ARHGEF7: variants seen among roughly 807,000 people sequenced by gnomAD.
ARHGEF7 encodes the protein Rho guanine nucleotide exchange factor 7.
Under a neutral mutation model 109.8 loss-of-function variants are expected in ARHGEF7, and 33 were observed. The ratio of observed to expected loss-of-function variants is 0.30; its 90% CI spans 0.23 to 0.40. The LOEUF (loss-of-function observed/expected upper bound fraction) is 0.40. ARHGEF7 is among the 10% of genes least tolerant of loss of function. ARHGEF7 has a pLI of 1.00. For missense variants in ARHGEF7, 938 were observed against 1,098.5 expected (o/e 0.85, Z 2.07); for synonymous variants, 458 against 424.6 (o/e 1.08, Z -0.97).
intron 1 of ARHGEF7, among the ~76,000 whole-genome samples, chr13:111,118,942 T>A (rs965609314): frequency 6.6e-6 from 1 of 152,056 alleles, no homozygotes; most frequent in African/African-American, 2.4e-5. Flanking sequence ...GGAATGTAAT[T>A]GAAAATCAGA....
chr13:111,279,005 T>C (rs1430435252), intron 13 of ARHGEF7, among the ~76,000 whole-genome samples: 2 of 152,334 alleles, frequency 1.3e-5, no homozygotes, highest in Non-Finnish European at 1.5e-5. Flanking sequence ...TTGGTATCCG[T>C]TTCTACCATT....
intron 1 of ARHGEF7, among the ~76,000 whole-genome samples, chr13:111,120,978 T>A (rs1214394317): frequency 6.6e-6 from 1 of 152,188 alleles, no homozygotes; most frequent in Non-Finnish European, 1.5e-5. Flanking sequence ...TCGCAACCAC[T>A]GCCTTCAGAA....
chr13:111,120,759 C>T (rs1036068431), intron 1 of ARHGEF7, among the ~76,000 whole-genome samples: 2 of 152,180 alleles, frequency 1.3e-5, no homozygotes, highest in African/African-American at 4.8e-5. Context: ...AGATGTCTGC[C>T]CAGCATGGCA....
At chr13:111,287,398 G>A (rs2093065710) in intron 17 of ARHGEF7, among the ~76,000 whole-genome samples, 1 of 152,244 alleles carries the variant, frequency 6.6e-6, no homozygotes, top group African/African-American at 2.4e-5. Flanking sequence ...TGGGCCGGGG[G>A]CCGGCTGCAG....
chr13:111,300,868 C>T, intron 20 of ARHGEF7, 21 bp downstream of exon 20: 1 of 1,529,800 alleles, frequency 6.5e-7, no homozygotes, highest in African/African-American at 1.4e-5. Flanking sequence ...TTCCGGTATT[C>T]TAAAGCAGAT....
chr13:111,213,521 A>G (rs72653516), intron 4 of ARHGEF7, among the ~76,000 whole-genome samples: 3,541 of 152,306 alleles, frequency 0.023, 66 homozygotes, highest in Middle Eastern at 0.11. Flanking sequence ...TCCCCAAGGT[A>G]TCTGCTGTCC....
intron 1 of ARHGEF7, among the ~76,000 whole-genome samples, chr13:111,127,970 T>C (rs1302524273): frequency 2.6e-5 from 4 of 152,250 alleles, no homozygotes; most frequent in African/African-American, 7.2e-5. Context: ...ATTATCTCAA[T>C]GGATGGCAGA....
At chr13:111,167,668 A>G (rs900204583) in intron 2 of ARHGEF7, among the ~76,000 whole-genome samples, 1 of 152,218 alleles carries the variant, frequency 6.6e-6, no homozygotes, top group South Asian at 2.1e-4. Context: ...AGAGTGTTAC[A>G]GGCACACGTA....
intron 19 of ARHGEF7, chr13:111,293,033 G>A: frequency 1.0e-6 from 1 of 985,416 alleles, no homozygotes; most frequent in African/African-American, 1.7e-5. Context: ...TGGCTCAGAT[G>A]TTCACTCGCA....
In ARHGEF7 at chr13:111,303,262, T is replaced by G; in HGVS notation, c.*149T>G. On this transcript the variant is annotated 3_prime_UTR_variant, in exon 22 of 22. Coordinates refer to ENST00000646102, the MANE Select transcript of ARHGEF7 (RefSeq NM_001354046.2). ...TATATAGAAAAGCTGGAGCTTATTC[T>G]GCGAATGGAGACGATCAAACCATGA... 1.4e-6 allele frequency: 1 copy of G among 721,364 alleles called. No homozygotes were observed. Among genetic ancestry groups the G allele is most frequent in the Non-Finnish European group, 2.2e-6 (1 of 462,530 alleles). The allele number at this position is 721,364 out of a possible 1,614,324, so 44.7% of individuals were successfully genotyped here. A position where few individuals can be genotyped will look rare whatever the true frequency, so the allele number is the denominator to read the frequency against.
At chr13:111,169,258 C>T (rs1188062052) in intron 2 of ARHGEF7, among the ~76,000 whole-genome samples, 1 of 152,162 alleles carries the variant, frequency 6.6e-6, no homozygotes, top group East Asian at 1.9e-4. Context: ...TCTCACATGG[C>T]TATAAATACC....
At chr13:111,232,374 G>A (rs1415684615) in intron 5 of ARHGEF7, among the ~76,000 whole-genome samples, 1 of 152,004 alleles carries the variant, frequency 6.6e-6, no homozygotes, top group East Asian at 1.9e-4. Context: ...AGACCCACCC[G>A]CACAGCCAGC....
chr13:111,208,066 GT>G (rs2082093659), intron 3 of ARHGEF7, among the ~76,000 whole-genome samples: 1 of 152,206 alleles, frequency 6.6e-6, no homozygotes, highest in African/African-American at 2.4e-5. Flanking sequence ...TTGAGACAGA[GT>G]TTCGTTCTTG....
At chr13:111,235,771 A>G (rs770639091) in intron 6 of ARHGEF7, among the ~76,000 whole-genome samples, 1 of 152,236 alleles carries the variant, frequency 6.6e-6, no homozygotes, top group African/African-American at 2.4e-5. Flanking sequence ...ACAAAACATG[A>G]TAGATAATGT....
intron 17 of ARHGEF7, among the ~76,000 whole-genome samples, chr13:111,287,636 C>T (rs2093078190): frequency 6.6e-6 from 1 of 152,228 alleles, no homozygotes; most frequent in Admixed American, 6.5e-5. Context: ...TTTGAGCAGC[C>T]TCCTGGGGCT....
chr13:111,157,416 A>C (rs1260605579), intron 2 of ARHGEF7, among the ~76,000 whole-genome samples: 1 of 151,984 alleles, frequency 6.6e-6, no homozygotes, highest in Non-Finnish European at 1.5e-5. Flanking sequence ...GCAGTGGCTC[A>C]TGCCTGTAAT....
At chr13:111,182,715 T>C (rs1033733636) in intron 2 of ARHGEF7, 3 of 152,172 alleles carry the variant, frequency 2.0e-5, no homozygotes, top group African/African-American at 7.2e-5. Context: ...AGAAAGCAGT[T>C]TTAGGGTTCA....
intron 5 of ARHGEF7, among the ~76,000 whole-genome samples, chr13:111,226,500 C>T (rs56720962): frequency 0.14 from 21,241 of 152,204 alleles, 1,537 homozygotes; most frequent in South Asian, 0.21. Context: ...TGCCTCTCTG[C>T]GCTGTAAGTT....
At chr13:111,246,391 C>A (rs1175565708) in intron 8 of ARHGEF7, among the ~76,000 whole-genome samples, 3 of 152,146 alleles carry the variant, frequency 2.0e-5, no homozygotes, top group Non-Finnish European at 4.4e-5. Flanking sequence ...AGTGGCCTTC[C>A]TTCTGTGCCA....
Sources: gnomAD v4.1 joint callset for allele counts (sites outside exome capture counted in the v4.1 genomes callset) on GRCh38, gnomAD v4.1.1 for gene constraint, MANE v1.5 for transcripts, NCBI Gene and HGNC (gene_info 2026-07-23, HGNC 2026-07-21) for gene names.